Variants in DYDC1 observed in about 807,000 individuals in gnomAD.
DYDC1 encodes DPY30 domain containing 1, also known as DPY30 domain-containing protein 1.
Under a neutral mutation model 27.9 loss-of-function variants are expected in DYDC1, and 21 were observed. The observed-to-expected ratio is 0.75, with a 90% CI of 0.53 to 1.08. The LOEUF (loss-of-function observed/expected upper bound fraction) is 1.08, where lower values mean the gene tolerates loss of function less well. Ranked by LOEUF, DYDC1 falls within the 50% of genes least tolerant of loss-of-function variation. The probability of loss-of-function intolerance (pLI) is 0.00; values close to 1 mark genes in which losing one functional copy is unlikely to be tolerated. For synonymous variants in DYDC1, 67 were observed against 65.8 expected (o/e 1.02, Z -0.09); for missense variants, 202 against 205.9 (o/e 0.98, Z 0.12).
In DYDC1 at chr10:80,351,967, T is replaced by C. The variant is rs1161642948; in HGVS notation, c.183A>G (p.Arg61=). ...TTTCCTGCTCCATCAGAGCTAATTC[T>C]CTTTCACGCTCCAGCTTGGCCATTT... ...QKEMAKLERE[R]ELALMEQEMM... Residue 61 remains arginine (R), a synonymous_variant, in exon 3 of 7, where the codon AGA becomes AGG. Transcript: ENST00000372202. 3.7e-6 allele frequency: 6 copies of C among 1,614,162 alleles called. No individual in the cohort carries two copies. Among genetic ancestry groups the C allele is most frequent in the Non-Finnish European group, 5.1e-6 (6 of 1,180,040 alleles).
At position 80,338,529 on chromosome 10, in the gene DYDC1, C is replaced by T. The variant is rs140462481; in HGVS notation, c.442G>A (p.Asp148Asn). Residue 148 changes from aspartate to asparagine, a missense_variant, in exon 6 of 7, where the codon GAT (aspartate) becomes AAT (asparagine). Asp to Asn is a conservative substitution (Grantham distance 23). Transcript: ENST00000372202. ...CTCAAGTTAGGTGCTCCATAACGATCGCTGATTTCAGCTAGTGTTTTGCCT... is the reference window on the plus strand; with the variant it reads ...CTCAAGTTAGGTGCTCCATAACGATTGCTGATTTCAGCTAGTGTTTTGCCT... ...DSGKTLAEIS[D>N]RYGAPNLSRV... 8.7e-6 allele frequency: 14 copies of T among 1,610,414 alleles called. No homozygotes were observed. The African/African-American group carries it at 9.4e-5, about 11-fold the overall frequency.
intron 3 of DYDC1, among the ~76,000 whole-genome samples, chr10:80,344,008 T>C (rs1451061692): frequency 6.6e-6 from 1 of 151,970 alleles, no homozygotes; most frequent in Non-Finnish European, 1.5e-5. Context: ...CTCAGCCACT[T>C]GGGAGGCTGA....
intron 4 of DYDC1, 41 bp downstream of exon 4, chr10:80,342,228 G>C: frequency 6.4e-7 from 1 of 1,571,238 alleles, no homozygotes; most frequent in Non-Finnish European, 8.7e-7. Flanking sequence ...AGATTCTAGA[G>C]AGTTTTAAAT....
chr10:80,352,127 T>G, intron 2 of DYDC1, 125 bp from the exon 3 acceptor site: 5 of 850,580 alleles, frequency 5.9e-6, no homozygotes, highest in Non-Finnish European at 9.2e-6. Context: ...CCCATCCCTG[T>G]GGAAATGATA....
chr10:80,342,853 T>A (rs1398539713), intron 3 of DYDC1, among the ~76,000 whole-genome samples: 1 of 152,006 alleles, frequency 6.6e-6, no homozygotes, highest in African/African-American at 2.4e-5. Context: ...GGGTGGCACA[T>A]GCCTGTAATC....
rs571534462 is a variant in DYDC1 at position 80,350,127 on chromosome 10, C to T, written c.249+1774G>A. ...TCCTATCTATTTCTGCACACCAATC[C>T]ACTCCGCTAACTGGCCATAACATCT... On this transcript the variant is annotated intron_variant, in intron 3 of 6. Coordinates refer to ENST00000372202, the MANE Select transcript of DYDC1 (RefSeq NM_001269053.2). Among the ~76,000 whole-genome samples the T allele has an allele frequency of 2.6e-5, 4 of 152,290 alleles. No homozygotes were observed. The East Asian group carries it at 7.7e-4, about 29-fold the overall frequency.
At chr10:80,346,062 G>A (rs1367454940) in intron 3 of DYDC1, among the ~76,000 whole-genome samples, 1 of 152,122 alleles carries the variant, frequency 6.6e-6, no homozygotes, top group Non-Finnish European at 1.5e-5. Flanking sequence ...TGCCCAAGCT[G>A]GTCTCGAACT....
At chr10:80,345,339 C>T (rs1034182554) in intron 3 of DYDC1, among the ~76,000 whole-genome samples, 1 of 152,208 alleles carries the variant, frequency 6.6e-6, no homozygotes, top group South Asian at 2.1e-4. Flanking sequence ...ATTGAAGATG[C>T]ATATAATGTT....
intron 3 of DYDC1, among the ~76,000 whole-genome samples, chr10:80,350,307 G>A (rs1039430051): frequency 3.3e-5 from 5 of 152,204 alleles, no homozygotes; most frequent in South Asian, 2.1e-4. Context: ...TAGTCGAGCC[G>A]AAGAGAGTTA....
intron 1 of DYDC1, among the ~76,000 whole-genome samples, chr10:80,354,182 TAAACA>T (rs1843201464): frequency 6.6e-6 from 1 of 150,638 alleles, no homozygotes; most frequent in Admixed American, 6.6e-5. Context: ...AATCAATTGT[TAAACA>T]AATGTATAAT....
intron 3 of DYDC1, among the ~76,000 whole-genome samples, chr10:80,342,681 G>A (rs907235534): frequency 1.3e-5 from 2 of 152,140 alleles, no homozygotes; most frequent in Non-Finnish European, 2.9e-5. Context: ...GTGGAAGAGT[G>A]GGTGAGAAAC....
intron 3 of DYDC1, among the ~76,000 whole-genome samples, chr10:80,344,079 G>A (rs1487042469): frequency 6.6e-6 from 1 of 152,076 alleles, no homozygotes; most frequent in Non-Finnish European, 1.5e-5. Flanking sequence ...TCGCACCACT[G>A]CACTCCAGCC....
At chr10:80,349,636 A>G (rs1842871707) in intron 3 of DYDC1, among the ~76,000 whole-genome samples, 1 of 152,228 alleles carries the variant, frequency 6.6e-6, no homozygotes, top group South Asian at 2.1e-4. Context: ...GTTTCAATCA[A>G]CTTTCAGACA....
At chr10:80,344,539 G>T (rs965276249) in intron 3 of DYDC1, among the ~76,000 whole-genome samples, 1 of 152,194 alleles carries the variant, frequency 6.6e-6, no homozygotes, top group African/African-American at 2.4e-5. Context: ...AATAGTCTTT[G>T]ATATGGTTTG....
chr10:80,354,878 T>C (rs1370561858), intron 1 of DYDC1, among the ~76,000 whole-genome samples: 1 of 152,140 alleles, frequency 6.6e-6, no homozygotes, highest in Non-Finnish European at 1.5e-5. Flanking sequence ...CCACCCAGTG[T>C]TGGTAATTTG....
chr10:80,345,409 C>T (rs1842551972), intron 3 of DYDC1, among the ~76,000 whole-genome samples: 1 of 152,116 alleles, frequency 6.6e-6, no homozygotes, highest in South Asian at 2.1e-4. Flanking sequence ...TCATCTTAGA[C>T]AGTTACTTTT....
chr10:80,351,855 G>A (rs747419266), intron 3 of DYDC1, 46 bp downstream of exon 3: 12 of 1,558,228 alleles, frequency 7.7e-6, no homozygotes, highest in Admixed American at 5.2e-5. Flanking sequence ...TGCTGAGGTT[G>A]GCATCGTTAA....
intron 1 of DYDC1, chr10:80,356,233 A>G (rs1220105588): frequency 2.0e-6 from 2 of 983,672 alleles, no homozygotes; most frequent in Admixed American, 6.1e-5. Context: ...TGTGGTAAGC[A>G]ATGTTATTTT....
intron 1 of DYDC1, among the ~76,000 whole-genome samples, chr10:80,353,378 G>GA (rs903374692): frequency 4.6e-5 from 7 of 151,512 alleles, no homozygotes; most frequent in Non-Finnish European, 7.4e-5. Context: ...TAGCTAGGAT[G>GA]GTCTCGATCT....
Sources: allele counts gnomAD v4.1 joint callset (sites outside exome capture counted in the v4.1 genomes callset), GRCh38; gene constraint gnomAD v4.1.1; transcripts MANE v1.5; gene names NCBI Gene and HGNC (gene_info 2026-07-23, HGNC 2026-07-21).